The following ZDHHC22 variants were observed in gnomAD, a reference collection of about 807,000 sequenced individuals.
ZDHHC22 encodes palmitoyltransferase ZDHHC22.
Under a neutral mutation model 17.0 loss-of-function variants are expected in ZDHHC22, and 13 were observed. The observed-to-expected ratio is 0.76, with a 90% confidence interval of 0.50 to 1.21. The LOEUF (loss-of-function observed/expected upper bound fraction) is 1.21. Among genes scored for constraint, ZDHHC22 ranks in the 50% most tolerant of loss-of-function variants. ZDHHC22 has a pLI of 0.00. For synonymous variants in ZDHHC22, 138 were observed against 154.7 expected (o/e 0.89, Z 0.80); for missense variants, 319 against 342.3 (o/e 0.93, Z 0.54).
chr14:77,139,071 T>G (rs1400205560), intron 2 of ZDHHC22, 142 bp downstream of exon 2: 1 of 954,710 alleles, frequency 1.0e-6, no homozygotes, highest in Non-Finnish European at 1.5e-6. Flanking sequence ...GAGTTGTTTA[T>G]CTGAAATTTT....
chr14:77,137,112 A>T (rs1386172142), intron 2 of ZDHHC22, among the ~76,000 whole-genome samples: 1 of 152,168 alleles, frequency 6.6e-6, no homozygotes, highest in East Asian at 1.9e-4. Context: ...GTTGGGGAAC[A>T]AGAGGAATGG....
rs777168222 is a variant in ZDHHC22, at chr14:77,133,836, C to T, written c.639G>A (p.Gly213=). The T allele has an allele frequency of 2.5e-6, 4 of 1,613,520 alleles. No individual in the cohort carries two copies. In the African/African-American group the frequency reaches 4.0e-5, roughly 16 times the overall value. The stretch of plus-strand genomic sequence containing the variant: ...CCTTCCGCACCTGGTGGCGGGTCTG[C>T]CCGCGGAGGATCAACAGCAGCTGGT... ...CCHQLLLILR[G]QTRHQVRKGV... The change falls in exon 3 of 3, where the codon GGG becomes GGA. Residue 213 remains glycine, a synonymous_variant. Transcript: ENST00000319374.
rs756225094 is a variant in ZDHHC22, at chr14:77,139,479, G to A, written c.260C>T (p.Thr87Ile). Reference sequence around the variant, plus strand: ...GTGGGTGCTAGGTGAGGGGCATGGAGTCTTCCTGGCCGAGGCCCCCTGGCA... The same window carrying A: ...GTGGGTGCTAGGTGAGGGGCATGGAATCTTCCTGGCCGAGGCCCCCTGGCA... ...GACQGASARK[T>I]PCPSPSTHFC... Residue 87 changes from threonine (T) to isoleucine (I), a missense_variant, in exon 2 of 3, where the codon ACT becomes ATT. By Grantham distance (89) the Thr-to-Ile change is moderately conservative. Transcript: ENST00000319374. The A allele has an allele frequency of 6.2e-6, 10 of 1,613,006 alleles. No individual in the cohort carries two copies. The African/African-American group carries it at 1.2e-4, about 19-fold the overall frequency.
At chr14:77,134,045 G>A (rs1887088975) in intron 2 of ZDHHC22, 97 bp from the exon 3 acceptor site, 2 of 1,364,274 alleles carry the variant, frequency 1.5e-6, no homozygotes, top group Non-Finnish European at 2.0e-6. Context: ...GAGGGAGGGA[G>A]ATTAATGAGA....
Position 77,133,092 on chromosome 14 carries a change from GA to G in ZDHHC22, c.*590del. 1.3e-5 allele frequency: 2 copies of G among 152,672 alleles called. No homozygotes were observed. Among genetic ancestry groups the G allele is most frequent in the Non-Finnish European group, 2.9e-5 (2 of 68,372 alleles). 9.5% of individuals were successfully genotyped at this position (152,672 alleles called of 1,614,324 possible). On this transcript the variant is annotated 3_prime_UTR_variant, in exon 3 of 3. Transcript: ENST00000319374. ...GCAGGCCATTGATTGCTGTCTCCCA[GA>G]AAAAGGGTCTTGAACCTGGTGGGGG...
rs1455116141 is a variant in ZDHHC22 at position 77,140,472 on chromosome 14, T to A, written c.-14-720A>T. ...CCTCTGCTATCTAGCTTTAAAAAAATCAATTGAAACAATCGATACACTCAC... is the reference window on the plus strand; with the variant it reads ...CCTCTGCTATCTAGCTTTAAAAAAAACAATTGAAACAATCGATACACTCAC... On this transcript the variant is annotated intron_variant, in intron 1 of 2. Transcript: ENST00000319374. The surrounding 1 kb of genome is among the most constrained non-coding windows in gnomAD (Gnocchi z 5.9). 6.6e-6 allele frequency: 1 copy of A among 152,058 alleles called. No homozygotes were observed. The highest frequency in any genetic ancestry group is 1.5e-5 in the Non-Finnish European group (1 of 68,010). The allele number at this position is 152,058 out of a possible 1,614,324, so 9.4% of individuals were successfully genotyped here.
Position 77,131,508 on chromosome 14 carries a change from T to G in ZDHHC22, c.*2175A>C, listed in dbSNP as rs924088142. 1.2e-4 allele frequency: 18 copies of G among 152,266 alleles called. No individual in the cohort carries two copies. The highest frequency in any genetic ancestry group is 4.3e-4 in the African/African-American group (18 of 41,468). The allele number at this position is 152,266 out of a possible 1,614,324, so 9.4% of individuals were successfully genotyped here. A position where few individuals can be genotyped will look rare whatever the true frequency, so the allele number is the denominator to read the frequency against. On this transcript the variant is annotated 3_prime_UTR_variant, in exon 3 of 3. Transcript: ENST00000319374. ...AGGGCTGGCTTCTAAGCTTGAGCTCTGGAGCCAGGAAAGAGTCAAGGCCAA... is the reference window on the plus strand; with the variant it reads ...AGGGCTGGCTTCTAAGCTTGAGCTCGGGAGCCAGGAAAGAGTCAAGGCCAA...
chr14:77,138,788 G>C (rs1887185930), intron 2 of ZDHHC22, among the ~76,000 whole-genome samples: 1 of 152,188 alleles, frequency 6.6e-6, no homozygotes, highest in Non-Finnish European at 1.5e-5. Flanking sequence ...TGGGGACCAG[G>C]CAGAGGAATG....
upstream of ZDHHC22, chr14:77,142,065 G>A (rs1393374381): frequency 6.5e-6 from 1 of 152,780 alleles, no homozygotes; most frequent in East Asian, 1.9e-4. Context: ...TCTCCACTCG[G>A]ACTGAAGGAA....
rs915288056 is a variant in ZDHHC22 at position 77,131,321 on chromosome 14, C to T, written c.*2362G>A. On this transcript the variant is annotated 3_prime_UTR_variant, in exon 3 of 3. Transcript: ENST00000319374. ...GATGTTCTTCAAGGACAATACAGGG[C>T]CATGTGTACAAATGCTACTCAAGTC... 3 of 152,172 alleles carry T rather than the reference C, an allele frequency of 2.0e-5. No individual in the cohort carries two copies. The highest frequency in any genetic ancestry group is 7.2e-5 in the African/African-American group (3 of 41,416). 9.4% of individuals were successfully genotyped at this position (152,172 alleles called of 1,614,324 possible). A position where few individuals can be genotyped will look rare whatever the true frequency, so the allele number is the denominator to read the frequency against.
rs1887208195 is a variant in ZDHHC22, at chr14:77,139,595, C to T, written c.144G>A (p.Leu48=). The change falls in exon 2 of 3, where the codon CTG becomes CTA. Residue 48 remains leucine, a synonymous_variant. Transcript: ENST00000319374. ...PAAARLFSPA[L]LHGALFLFLS... is the part of the protein sequence containing the mutation. Reference sequence around the variant, plus strand: ...GGAATAGGAAGAGCGCCCCGTGGAGCAGGGCGGGCGAGAAGAGCCGGGCGG... The same window carrying T: ...GGAATAGGAAGAGCGCCCCGTGGAGTAGGGCGGGCGAGAAGAGCCGGGCGG... 6.3e-7 allele frequency: 1 copy of T among 1,592,422 alleles called. No individual in the cohort carries two copies. The highest frequency in any genetic ancestry group is 8.6e-7 in the Non-Finnish European group (1 of 1,169,140).
chr14:77,136,005 A>G (rs986366101), intron 2 of ZDHHC22, among the ~76,000 whole-genome samples: 4 of 152,178 alleles, frequency 2.6e-5, no homozygotes, highest in Non-Finnish European at 4.4e-5. Context: ...GAATTTTCCT[A>G]ATGAGCCTAA....
chr14:77,139,763 C>A lies in ZDHHC22; in HGVS notation c.-14-11G>T, dbSNP rs1402235099. The A allele has an allele frequency of 3.4e-6, 5 of 1,467,406 alleles. No individual in the cohort carries two copies. Among genetic ancestry groups the A allele is most frequent in the East Asian group, 2.4e-5 (1 of 41,110 alleles). 90.9% of individuals were successfully genotyped at this position (1,467,406 alleles called of 1,614,324 possible). Reference sequence around the variant, plus strand: ...TCCTCGATTACATTCCTGCGGGGCCCGGGGTGAGAAGAGGACTGACTGACT... The same window carrying A: ...TCCTCGATTACATTCCTGCGGGGCCAGGGGTGAGAAGAGGACTGACTGACT... On this transcript the variant is annotated splice_polypyrimidine_tract_variant and intron_variant, in intron 1 of 2. Coordinates refer to ENST00000319374, the MANE Select transcript of ZDHHC22 (RefSeq NM_174976.2).
rs546115774 is a variant in ZDHHC22, at chr14:77,134,715, T to C, written c.527-767A>G. On this transcript the variant is annotated intron_variant, in intron 2 of 2. Transcript: ENST00000319374. ...AGCACTTCCTATTACTGGTTTGAAATAACCACTGAGTAAGAGCTCCCACAC... is the reference window on the plus strand; with the variant it reads ...AGCACTTCCTATTACTGGTTTGAAACAACCACTGAGTAAGAGCTCCCACAC... Among the ~76,000 whole-genome samples the C allele has an allele frequency of 5.3e-5, 8 of 152,236 alleles. No homozygotes were observed. In the South Asian group the frequency reaches 1.7e-3, roughly 32 times the overall value.
intron 2 of ZDHHC22, among the ~76,000 whole-genome samples, chr14:77,138,333 G>A (rs894161158): frequency 5.9e-5 from 9 of 152,142 alleles, no homozygotes; most frequent in South Asian, 2.1e-4. Context: ...CAAGGTGGGC[G>A]GATCACTTTA....
intron 2 of ZDHHC22, among the ~76,000 whole-genome samples, chr14:77,136,383 T>C (rs1594830370): frequency 6.6e-6 from 1 of 152,162 alleles, no homozygotes; most frequent in South Asian, 2.1e-4. Context: ...TAGTGGGTGG[T>C]ACATAATAGG....
chr14:77,139,094 C>G (rs925128622), intron 2 of ZDHHC22, 119 bp downstream of exon 2: 2 of 1,088,020 alleles, frequency 1.8e-6, no homozygotes, highest in Admixed American at 2.8e-5. Flanking sequence ...TTTAGCGGGA[C>G]GGTCTGTATT....
chr14:77,136,774 C>CT (rs1261214170), intron 2 of ZDHHC22, among the ~76,000 whole-genome samples: 6 of 152,164 alleles, frequency 3.9e-5, no homozygotes, highest in Middle Eastern at 3.4e-3. Flanking sequence ...TTCTTTCTTT[C>CT]TTTTTTTCTT....
chr14:77,136,271 T>G (rs1330573534), intron 2 of ZDHHC22, among the ~76,000 whole-genome samples: 1 of 152,222 alleles, frequency 6.6e-6, no homozygotes, highest in East Asian at 1.9e-4. Flanking sequence ...AGCTGTGTGG[T>G]GTTGGTGCAA....
Sources: allele counts gnomAD v4.1 joint callset (sites outside exome capture counted in the v4.1 genomes callset), GRCh38; gene constraint gnomAD v4.1.1; non-coding constraint Gnocchi (gnomAD v3.1); transcripts MANE v1.5; gene names NCBI Gene and HGNC (gene_info 2026-07-23, HGNC 2026-07-21).